EPHA6: variants seen among roughly 807,000 people sequenced by gnomAD.
The protein encoded by EPHA6 is ephrin type-A receptor 6.
Under a neutral mutation model 112.0 loss-of-function variants are expected in EPHA6, and 50 were observed. The ratio of observed to expected loss-of-function variants is 0.45; its 90% CI spans 0.36 to 0.56. EPHA6 has a LOEUF of 0.56. Among genes scored for constraint, EPHA6 ranks in the 20% least tolerant of loss-of-function variants. EPHA6 has a pLI of 0.00. For synonymous variants in EPHA6, 529 were observed against 490.7 expected, an observed-to-expected ratio of 1.08 and a Z score of -1.03; for missense variants, 1,280 against 1,417.4, an observed-to-expected ratio of 0.90 and a Z score of 1.56.
intron 6 of EPHA6, among the ~76,000 whole-genome samples, chr3:97,437,442 T>G (rs1006411980): frequency 1.3e-5 from 2 of 152,198 alleles, no homozygotes; most frequent in Admixed American, 6.5e-5. Context: ...AGCATTTATA[T>G]TTGAATAAAT....
At chr3:97,172,000 A>G (rs2076716199) in intron 3 of EPHA6, among the ~76,000 whole-genome samples, 1 of 152,124 alleles carries the variant, frequency 6.6e-6, no homozygotes, top group Admixed American at 6.6e-5. Context: ...GAGGTAGAGT[A>G]TTGAGAAAGG....
intron 5 of EPHA6, among the ~76,000 whole-genome samples, chr3:97,279,500 T>TA (rs557809609): frequency 9.0e-4 from 129 of 142,594 alleles, no homozygotes; most frequent in South Asian, 3.4e-3. Context: ...GAAATCTATT[T>TA]AAAAAAAAAA....
chr3:97,558,003 T>C (rs1312766723), intron 11 of EPHA6, among the ~76,000 whole-genome samples: 8 of 151,982 alleles, frequency 5.3e-5, no homozygotes, highest in Non-Finnish European at 8.8e-5. Context: ...CACTTAACTT[T>C]TCTTTGTAGA....
At chr3:97,558,885 A>G (rs1391968104) in intron 11 of EPHA6, among the ~76,000 whole-genome samples, 3 of 152,040 alleles carry the variant, frequency 2.0e-5, no homozygotes, top group African/African-American at 4.8e-5. Flanking sequence ...AAGCCAAAAT[A>G]TATTATTTAT....
intron 10 of EPHA6, among the ~76,000 whole-genome samples, chr3:97,487,382 A>G (rs1187347029): frequency 6.6e-6 from 1 of 152,232 alleles, no homozygotes; most frequent in Non-Finnish European, 1.5e-5. Flanking sequence ...ATGATATCAC[A>G]CCTGACCTGT....
intron 2 of EPHA6, among the ~76,000 whole-genome samples, chr3:96,947,281 C>G (rs2041315521): frequency 6.6e-6 from 1 of 152,204 alleles, no homozygotes; most frequent in Non-Finnish European, 1.5e-5. Flanking sequence ...ATGGTATTGC[C>G]TAGGTTTTCT....
chr3:96,876,568 C>T (rs576909992), intron 2 of EPHA6, among the ~76,000 whole-genome samples: 3 of 151,986 alleles, frequency 2.0e-5, no homozygotes, highest in African/African-American at 7.2e-5. Context: ...TACTAAACCC[C>T]TCCTCTCCTT....
intron 2 of EPHA6, among the ~76,000 whole-genome samples, chr3:96,921,371 C>A (rs137876261): frequency 4.9e-4 from 75 of 151,884 alleles, no homozygotes; most frequent in African/African-American, 1.7e-3. Context: ...TTAAAAGTAT[C>A]CAGAAAACTT....
intron 5 of EPHA6, among the ~76,000 whole-genome samples, chr3:97,362,454 C>A (rs1392906475): frequency 6.6e-6 from 1 of 151,854 alleles, no homozygotes; most frequent in African/African-American, 2.4e-5. Context: ...TTCATAATAT[C>A]TAATTATTTT....
intron 3 of EPHA6, among the ~76,000 whole-genome samples, chr3:97,072,457 A>C (rs906415320): frequency 1.3e-5 from 2 of 152,102 alleles, no homozygotes; most frequent in Non-Finnish European, 2.9e-5. Flanking sequence ...GGAGGGAGGC[A>C]CGGAACAGAT....
At chr3:97,173,808 A>G (rs991554098) in intron 3 of EPHA6, among the ~76,000 whole-genome samples, 6 of 151,902 alleles carry the variant, frequency 3.9e-5, no homozygotes, top group Admixed American at 1.3e-4. Context: ...GTTTTGACAC[A>G]GGGATGCAGT....
chr3:96,987,659 C>G lies in EPHA6; in HGVS notation c.780C>G (p.Ile260Met). ...SFTQMDLGDR[I>M]LKLNTEIREV... ...CCCAGATGGATTTGGGTGATCGCAT[C>G]CTCAAACTCAACACTGAAATTCGTG... The change falls in exon 3 of 18, where the codon ATC becomes ATG. Residue 260 changes from isoleucine (I) to methionine (M), a missense_variant. Ile to Met is a conservative substitution (Grantham distance 10, BLOSUM62 1). Around this residue, in one of 4 missense-constraint regions of EPHA6, gnomAD observed 878 missense variants for 999.7 expected, o/e 0.88. Coordinates refer to ENST00000389672, the MANE Select transcript of EPHA6 (RefSeq NM_001080448.3). 3 of 1,607,272 alleles carry G rather than the reference C, an allele frequency of 1.9e-6. No homozygotes were observed. In the South Asian group the frequency reaches 3.3e-5, roughly 18 times the overall value.
intron 1 of EPHA6, among the ~76,000 whole-genome samples, chr3:96,864,884 A>G (rs1206531379): frequency 6.6e-6 from 1 of 152,130 alleles, no homozygotes; most frequent in Admixed American, 6.6e-5. Context: ...ATATTAATGA[A>G]TTAAGATATT....
chr3:97,361,341 C>A (rs1226992077), intron 5 of EPHA6, among the ~76,000 whole-genome samples: 1 of 152,158 alleles, frequency 6.6e-6, no homozygotes, highest in African/African-American at 2.4e-5. Flanking sequence ...GTGATCAAGT[C>A]TTTTTAACAC....
Position 97,592,744 on chromosome 3 carries a change from A to G in EPHA6, c.2512+7A>G. 1 of 1,576,562 alleles carries G rather than the reference A, an allele frequency of 6.3e-7. No homozygotes were observed. Among genetic ancestry groups the G allele is most frequent in the Non-Finnish European group, 8.6e-7 (1 of 1,166,586 alleles). On this transcript the variant is annotated splice_region_variant and intron_variant, in intron 12 of 17. Coordinates refer to ENST00000389672, the MANE Select transcript of EPHA6 (RefSeq NM_001080448.3). ...CCCCCCAGGATTCCTGCTGGTAGGT[A>G]TTTCAGGTGAAGTTTTCTGCCACCA...
At chr3:97,580,416 G>C (rs1243272559) in intron 11 of EPHA6, among the ~76,000 whole-genome samples, 3 of 152,200 alleles carry the variant, frequency 2.0e-5, no homozygotes, top group Non-Finnish European at 2.9e-5. Flanking sequence ...CTTGGAACTA[G>C]CTCTGAAGAA....
chr3:96,984,797 G>A (rs2042955398), intron 2 of EPHA6, among the ~76,000 whole-genome samples: 1 of 152,204 alleles, frequency 6.6e-6, no homozygotes, highest in African/African-American at 2.4e-5. Flanking sequence ...TTTGATCTCA[G>A]ACTGCTGTGC....
intron 14 of EPHA6, 73 bp from the exon 15 acceptor site, chr3:97,720,188 T>C: frequency 1.5e-6 from 2 of 1,308,060 alleles, no homozygotes; most frequent in Non-Finnish European, 2.0e-6. Flanking sequence ...TAATAAAAAA[T>C]ATTTAATTGG....
chr3:97,333,226 T>C (rs1428902327), intron 5 of EPHA6, among the ~76,000 whole-genome samples: 1 of 152,124 alleles, frequency 6.6e-6, no homozygotes, highest in South Asian at 2.1e-4. Context: ...CCTGGAGCAA[T>C]TATATGTGGT....
Sources: allele counts gnomAD v4.1 joint callset (sites outside exome capture counted in the v4.1 genomes callset), GRCh38; gene constraint gnomAD v4.1.1; regional missense constraint gnomAD v4.1.1; transcripts MANE v1.5; gene names NCBI Gene and HGNC (gene_info 2026-07-23, HGNC 2026-07-21).